The following CUL1 variants were observed in gnomAD, a reference collection of about 807,000 sequenced individuals.
CUL1 encodes the protein cullin 1, also known as cullin-1.
CUL1 carries 24 observed loss-of-function variants against 118.0 expected under a neutral mutation model. That is an observed-to-expected ratio of 0.20 (90% CI 0.15 to 0.29). The LOEUF is 0.29. Ranked by LOEUF, CUL1 falls within the 10% of genes least tolerant of loss-of-function variation. The probability of loss-of-function intolerance (pLI) is 1.00; values close to 1 mark genes in which losing one functional copy is unlikely to be tolerated. For missense variants in CUL1, 361 were observed against 933.8 expected (o/e 0.39, Z 7.99); for synonymous variants, 332 against 340.4 (o/e 0.98, Z 0.27).
At chr7:148,768,095 G>A (rs1180276461) in intron 9 of CUL1, among the ~76,000 whole-genome samples, 1 of 152,102 alleles carries the variant, frequency 6.6e-6, no homozygotes, top group Admixed American at 6.6e-5. Context: ...CACAGGTTGT[G>A]CCTTACAGGA....
At chr7:148,731,046 AG>A (rs1379091373) in intron 2 of CUL1, among the ~76,000 whole-genome samples, 3 of 152,180 alleles carry the variant, frequency 2.0e-5, no homozygotes, top group African/African-American at 4.8e-5. Flanking sequence ...TATTTTTTAA[AG>A]TACAGTATTT....
chr7:148,706,461 A>G (rs972939805), intron 1 of CUL1, among the ~76,000 whole-genome samples: 8 of 152,178 alleles, frequency 5.3e-5, no homozygotes, highest in African/African-American at 1.9e-4. Context: ...AGTAGAGACT[A>G]CTGAAATGAG....
chr7:148,780,270 T>C (rs2129462183), intron 9 of CUL1, among the ~76,000 whole-genome samples: 1 of 152,300 alleles, frequency 6.6e-6, no homozygotes, highest in Non-Finnish European at 1.5e-5. Context: ...GAGAGAAGAA[T>C]GATGCAGAGA....
chr7:148,726,224 T>C (rs1406611702), intron 1 of CUL1, among the ~76,000 whole-genome samples: 1 of 152,220 alleles, frequency 6.6e-6, no homozygotes, highest in Non-Finnish European at 1.5e-5. Flanking sequence ...TTTGATGTGC[T>C]TATGCTGAGA....
At chr7:148,788,802 A>G in intron 14 of CUL1, 128 bp downstream of exon 14, 1 of 692,280 alleles carries the variant, frequency 1.4e-6, no homozygotes, top group Non-Finnish European at 2.5e-6. Flanking sequence ...GAAGCGGGAG[A>G]TTCCTCCCAA....
At chr7:148,752,352 G>A (rs2092655680) in intron 2 of CUL1, among the ~76,000 whole-genome samples, 1 of 152,000 alleles carries the variant, frequency 6.6e-6, no homozygotes, top group African/African-American at 2.4e-5. Flanking sequence ...AATGCAGTAA[G>A]ATCTATCAAA....
chr7:148,767,773 C>T (rs746337918), intron 9 of CUL1, 24 bp downstream of exon 9: 2 of 1,610,184 alleles, frequency 1.2e-6, no homozygotes, highest in African/African-American at 1.3e-5. Context: ...CATTGAAAAT[C>T]AGTCAGGCTG....
chr7:148,747,477 G>T (rs1799342312), intron 2 of CUL1, among the ~76,000 whole-genome samples: 1 of 152,182 alleles, frequency 6.6e-6, no homozygotes, highest in African/African-American at 2.4e-5. Flanking sequence ...CTGGCCGGTA[G>T]GGGTCACACA....
chr7:148,790,032 A>G (rs755931787), intron 15 of CUL1, among the ~76,000 whole-genome samples: 4 of 152,244 alleles, frequency 2.6e-5, no homozygotes, highest in Non-Finnish European at 4.4e-5. Flanking sequence ...TCCCAGCTCT[A>G]CAGACATGTT....
chr7:148,752,769 C>T (rs536874867), intron 2 of CUL1, among the ~76,000 whole-genome samples: 1 of 152,328 alleles, frequency 6.6e-6, no homozygotes, highest in Admixed American at 6.5e-5. Context: ...CTGCCTCAGC[C>T]TCCCGAGTAG....
intron 2 of CUL1, among the ~76,000 whole-genome samples, chr7:148,749,985 A>G (rs187045161): frequency 2.6e-3 from 389 of 152,380 alleles, no homozygotes; most frequent in Middle Eastern, 6.8e-3. Context: ...AGAAGATCAA[A>G]CCAGTCACAG....
At chr7:148,756,004 G>T (rs1388899887) in intron 3 of CUL1, among the ~76,000 whole-genome samples, 1 of 152,122 alleles carries the variant, frequency 6.6e-6, no homozygotes, top group East Asian at 1.9e-4. Flanking sequence ...CACCTAAATG[G>T]CAGTGCTGCC....
chr7:148,715,554 C>T (rs1798188138), intron 1 of CUL1, among the ~76,000 whole-genome samples: 2 of 152,280 alleles, frequency 1.3e-5, no homozygotes, highest in African/African-American at 2.4e-5. Flanking sequence ...AGCATTCTCT[C>T]TCCTTTTTGG....
intron 1 of CUL1, among the ~76,000 whole-genome samples, chr7:148,703,666 G>A (rs1388279613): frequency 6.6e-6 from 1 of 151,888 alleles, no homozygotes; most frequent in Non-Finnish European, 1.5e-5. Context: ...CCGAGTAGCT[G>A]GGATTACGGT....
Position 148,721,454 on chromosome 7 carries a change from CT to C in CUL1, c.-161-8498del, listed in dbSNP as rs562107579. ...AAACTGCAGTGTACCTGTCTCTCAG[CT>C]TTTTTTTTTCTCTGCAAAATTTTAA... On this transcript the variant is annotated intron_variant, in intron 1 of 21. Coordinates refer to ENST00000325222, the MANE Select transcript of CUL1 (RefSeq NM_003592.3). Among the ~76,000 whole-genome samples the C allele has an allele frequency of 5.5e-3, 826 of 149,016 alleles. 4 individuals are homozygous for C. Among genetic ancestry groups the C allele is most frequent in the Non-Finnish European group, 8.5e-3 (567 of 67,004 alleles).
At chr7:148,739,098 C>T (rs1345606913) in intron 2 of CUL1, among the ~76,000 whole-genome samples, 4 of 152,172 alleles carry the variant, frequency 2.6e-5, no homozygotes, top group Non-Finnish European at 4.4e-5. Flanking sequence ...GGAATACATC[C>T]GTTTCACAGT....
chr7:148,765,688 T>TG (rs1799982018), intron 7 of CUL1, among the ~76,000 whole-genome samples: 2 of 152,204 alleles, frequency 1.3e-5, no homozygotes, highest in Non-Finnish European at 2.9e-5. Flanking sequence ...ATTTTTATAA[T>TG]GCAAAATATA....
At chr7:148,792,872 T>C in intron 17 of CUL1, 54 bp downstream of exon 17, 1 of 1,293,576 alleles carries the variant, frequency 7.7e-7, no homozygotes, top group South Asian at 1.3e-5. Context: ...CTTGTTCTCG[T>C]GGATATTGTT....
chr7:148,714,239 C>T (rs921756940), intron 1 of CUL1, among the ~76,000 whole-genome samples: 39 of 152,190 alleles, frequency 2.6e-4, no homozygotes, highest in African/African-American at 8.7e-4. Flanking sequence ...ATGTACGCTG[C>T]ACATCATGAA....
Sources: gnomAD v4.1 joint callset for allele counts (sites outside exome capture counted in the v4.1 genomes callset) on GRCh38, gnomAD v4.1.1 for gene constraint, MANE v1.5 for transcripts, NCBI Gene and HGNC (gene_info 2026-07-23, HGNC 2026-07-21) for gene names.